Variants in ABCG2 observed in about 807,000 individuals in gnomAD.
ABCG2 encodes broad substrate specificity ATP-binding cassette transporter ABCG2.
Under a neutral mutation model 73.5 loss-of-function variants are expected in ABCG2, and 80 were observed. The ratio of observed to expected loss-of-function variants is 1.09; its 90% CI spans 0.91 to 1.31. The LOEUF (loss-of-function observed/expected upper bound fraction) is 1.31, where lower values mean the gene tolerates loss of function less well. Among genes scored for constraint, ABCG2 ranks in the 50% most tolerant of loss-of-function variants. The probability of loss-of-function intolerance (pLI) is 0.00; values close to 1 mark genes in which losing one functional copy is unlikely to be tolerated. For synonymous variants in ABCG2, 269 were observed against 282.4 expected (o/e 0.95, Z 0.48); for missense variants, 796 against 786.2 (o/e 1.01, Z -0.15).
intron 13 of ABCG2, 140 bp from the exon 14 acceptor site, chr4:88,095,749 TC>T: frequency 1.5e-6 from 1 of 657,662 alleles, no homozygotes; most frequent in Non-Finnish European, 2.7e-6. Context: ...CTCCACTTAC[TC>T]AAGACACTCA....
chr4:88,111,980 G>A (rs767260726), intron 9 of ABCG2, among the ~76,000 whole-genome samples: 2 of 151,936 alleles, frequency 1.3e-5, no homozygotes, highest in Admixed American at 6.6e-5. Flanking sequence ...ACAGCTACTC[G>A]GGAGGCTGAA....
chr4:88,169,970 G>C (rs759694357), intron 1 of ABCG2, among the ~76,000 whole-genome samples: 5 of 152,008 alleles, frequency 3.3e-5, no homozygotes, highest in African/African-American at 4.8e-5. Flanking sequence ...AATTAGCCAG[G>C]CATGGTGGCA....
intron 1 of ABCG2, among the ~76,000 whole-genome samples, chr4:88,213,585 CTTCTA>C: frequency 6.6e-6 from 1 of 151,910 alleles, no homozygotes; most frequent in Non-Finnish European, 1.5e-5. Context: ...TCCCCTTTCT[CTTCTA>C]TATCATTGTA....
intron 5 of ABCG2, among the ~76,000 whole-genome samples, chr4:88,129,998 G>A (rs1485867357): frequency 2.0e-5 from 3 of 152,036 alleles, no homozygotes; most frequent in African/African-American, 7.3e-5. Flanking sequence ...AAAAGAGGCA[G>A]AGAAGGGAGG....
chr4:88,133,432 T>C (rs907336716), intron 2 of ABCG2, among the ~76,000 whole-genome samples: 3 of 152,178 alleles, frequency 2.0e-5, no homozygotes, highest in Non-Finnish European at 4.4e-5. Flanking sequence ...TTTTCTTCCT[T>C]GTTAAGAGTC....
chr4:88,113,553 G>A lies in ABCG2; in HGVS notation c.944C>T (p.Ala315Val), dbSNP rs969464418. ...VALNREEDFK[A>V]TEIIEPSKQD... The stretch of plus-strand genomic sequence containing the variant: ...CTTGGAAGGCTCTATGATCTCTGTG[G>A]CTTTGCAATCAGTGGATAAAAAGGA... Residue 315 changes from alanine to valine, a missense_variant and splice_region_variant, in exon 9 of 16, where the codon GCC (alanine) becomes GTC (valine). Ala to Val is a moderately conservative substitution (Grantham distance 64). Coordinates refer to ENST00000237612, the MANE Select transcript of ABCG2 (RefSeq NM_004827.3). 1.2e-6 allele frequency: 2 copies of A among 1,608,826 alleles called. No homozygotes were observed. Among genetic ancestry groups the A allele is most frequent in the African/African-American group, 2.7e-5 (2 of 74,620 alleles).
intron 5 of ABCG2, among the ~76,000 whole-genome samples, chr4:88,127,679 T>A (rs1161769750): frequency 6.6e-6 from 1 of 152,162 alleles, no homozygotes; most frequent in Non-Finnish European, 1.5e-5. Flanking sequence ...GGGAAAGGAT[T>A]CTGTATTTAA....
chr4:88,225,358 G>T (rs766493981), intron 1 of ABCG2, among the ~76,000 whole-genome samples: 32 of 152,284 alleles, frequency 2.1e-4, no homozygotes, highest in East Asian at 3.9e-4. Flanking sequence ...GCAGTAGTTT[G>T]CCAACCCCTA....
chr4:88,131,907 C>T lies in ABCG2; in HGVS notation c.274G>A (p.Val92Ile). ...CTTGGATCTTTCCTTGCAGCTAAGA[C>T]ATCTAATAACCTATAAGAGGACATA... ...TGGGKSSLLD[V>I]LAARKDPSGL... Residue 92 changes from valine to isoleucine, a missense_variant, in exon 4 of 16, where the codon GTC (valine) becomes ATC (isoleucine). By Grantham distance (29) the Val-to-Ile change is conservative. Coordinates refer to ENST00000237612, the MANE Select transcript of ABCG2 (RefSeq NM_004827.3). 2 of 1,612,990 alleles carry T rather than the reference C, an allele frequency of 1.2e-6. No individual in the cohort carries two copies. Among genetic ancestry groups the T allele is most frequent in the Non-Finnish European group, 1.7e-6 (2 of 1,179,102 alleles).
intron 1 of ABCG2, among the ~76,000 whole-genome samples, chr4:88,216,647 A>C (rs1234723234): frequency 6.6e-6 from 1 of 152,218 alleles, no homozygotes; most frequent in Non-Finnish European, 1.5e-5. Flanking sequence ...CCAGATGGCC[A>C]CCTAGTAGTA....
intron 1 of ABCG2, among the ~76,000 whole-genome samples, chr4:88,157,495 ATAT>A (rs1486684103): frequency 3.3e-5 from 5 of 152,190 alleles, no homozygotes; most frequent in Non-Finnish European, 7.3e-5. Flanking sequence ...GTTATGCATG[ATAT>A]TATGGGAACT....
intron 8 of ABCG2, 31 bp downstream of exon 8, chr4:88,114,926 A>T: frequency 6.6e-7 from 1 of 1,525,588 alleles, no homozygotes; most frequent in Non-Finnish European, 9.0e-7. Context: ...TCAATTAGGC[A>T]AAAATCTGGG....
Position 88,222,068 on chromosome 4 carries a change from G to A in ABCG2, c.-20+8926C>T, listed in dbSNP as rs539364598. On this transcript the variant is annotated intron_variant, in intron 1 of 15. Transcript: ENST00000515655. ...CTTGCTATGTGCAACCTTGGGACTTGGTGCCCTGCATCCCAGCCACTCCAT... is the reference window on the plus strand; with the variant it reads ...CTTGCTATGTGCAACCTTGGGACTTAGTGCCCTGCATCCCAGCCACTCCAT... Among the ~76,000 whole-genome samples the A allele has an allele frequency of 7.9e-4, 121 of 152,300 alleles. 4 individuals are homozygous for A. The South Asian group carries it at 0.023, about 29-fold the overall frequency.
At chr4:88,110,949 A>C (rs561934780) in intron 9 of ABCG2, among the ~76,000 whole-genome samples, 1 of 152,356 alleles carries the variant, frequency 6.6e-6, no homozygotes, top group Admixed American at 6.5e-5. Flanking sequence ...AGAGACTGCC[A>C]CTGCTCTGAA....
intron 1 of ABCG2, among the ~76,000 whole-genome samples, chr4:88,215,422 C>A (rs1729774451): frequency 6.6e-6 from 1 of 152,116 alleles, no homozygotes. Flanking sequence ...AGGACTCGGT[C>A]CATTATGTTC....
chr4:88,148,223 T>C (rs1015751027), intron 1 of ABCG2, among the ~76,000 whole-genome samples: 1 of 152,076 alleles, frequency 6.6e-6, no homozygotes, highest in African/African-American at 2.4e-5. Flanking sequence ...GGGCTGCTTG[T>C]GGGACTTGAG....
chr4:88,094,436 A>C, intron 15 of ABCG2, 141 bp downstream of exon 15: 1 of 651,060 alleles, frequency 1.5e-6, no homozygotes, highest in Non-Finnish European at 2.7e-6. Context: ...TTCGCGCACA[A>C]CTCACTTTAT....
chr4:88,120,209 T>G (rs1320566346), intron 6 of ABCG2, among the ~76,000 whole-genome samples: 1 of 152,206 alleles, frequency 6.6e-6, no homozygotes, highest in Non-Finnish European at 1.5e-5. Flanking sequence ...AATACCTGGA[T>G]GTCCAGGCAA....
chr4:88,105,809 T>G (rs1007806617), intron 10 of ABCG2, among the ~76,000 whole-genome samples: 2 of 152,064 alleles, frequency 1.3e-5, no homozygotes, highest in African/African-American at 4.8e-5. Flanking sequence ...GGGATTAATA[T>G]CTCCTCAAAA....
Sources: allele counts gnomAD v4.1 joint callset (sites outside exome capture counted in the v4.1 genomes callset), GRCh38; gene constraint gnomAD v4.1.1; transcripts MANE v1.5; gene names NCBI Gene and HGNC (gene_info 2026-07-23, HGNC 2026-07-21).